Variants in SENP5 observed in about 807,000 individuals in gnomAD.
The protein encoded by SENP5 is sentrin-specific protease 5.
In SENP5, 21 loss-of-function variants were observed where a neutral mutation model predicts 74.2. The observed-to-expected ratio is 0.28, with a 90% CI of 0.20 to 0.41. The LOEUF (loss-of-function observed/expected upper bound fraction) is 0.41. Among genes scored for constraint, SENP5 ranks in the 10% least tolerant of loss-of-function variants. SENP5 has a pLI of 1.00. For missense variants in SENP5, 717 were observed against 889.1 expected, an observed-to-expected ratio of 0.81 and a Z score of 2.46; for synonymous variants, 311 against 312.7, an observed-to-expected ratio of 0.99 and a Z score of 0.06.
At chr3:196,908,294 A>G (rs900551323) in intron 6 of SENP5, among the ~76,000 whole-genome samples, 1 of 152,106 alleles carries the variant, frequency 6.6e-6, no homozygotes, top group Admixed American at 6.6e-5. Context: ...TAAAACAAAT[A>G]AAAAAGGCAA....
At chr3:196,928,738 A>G (rs922725419) in intron 8 of SENP5, among the ~76,000 whole-genome samples, 9 of 152,214 alleles carry the variant, frequency 5.9e-5, no homozygotes, top group Non-Finnish European at 1.0e-4. Context: ...TTTAAAATTA[A>G]GCTTAAGTTT....
rs7625051 is a variant in SENP5 at position 196,920,258 on chromosome 3, C to T, written c.1885-3156C>T. ...TATCTGTAATTTTTAGTGTATACAT[C>T]TTACATATACATTCTTGTTAAATGT... On this transcript the variant is annotated intron_variant, in intron 6 of 9. Transcript: ENST00000323460. Among the ~76,000 whole-genome samples the T allele has an allele frequency of 6.4e-3, 981 of 152,220 alleles. 11 individuals are homozygous for T. Among genetic ancestry groups the T allele is most frequent in the African/African-American group, 0.022 (934 of 41,552 alleles).
At chr3:196,917,748 GACAA>G (rs1715441682) in intron 6 of SENP5, among the ~76,000 whole-genome samples, 1 of 152,156 alleles carries the variant, frequency 6.6e-6, no homozygotes, top group Admixed American at 6.5e-5. Context: ...TACTTTCCCA[GACAA>G]ACAAAAGCTG....
At chr3:196,869,759 CAAAAA>C (rs58745670) in intron 1 of SENP5, among the ~76,000 whole-genome samples, 2 of 37,982 alleles carry the variant, frequency 5.3e-5, no homozygotes, top group African/African-American at 2.3e-4. Flanking sequence ...AACTCCGTCT[CAAAAA>C]AAAAAAAAAA....
Position 196,903,415 on chromosome 3 carries a change from A to T in SENP5, c.1807-118A>T, listed in dbSNP as rs998109235. 4.0e-5 allele frequency: 23 copies of T among 575,840 alleles called. No individual in the cohort carries two copies. In the South Asian group the frequency reaches 4.2e-4, roughly 10 times the overall value. 35.7% of individuals were successfully genotyped at this position (575,840 alleles called of 1,614,324 possible). A position where few individuals can be genotyped will look rare whatever the true frequency, so the allele number is the denominator to read the frequency against. ...TCCTCAATCATTGTTTTTATGAAGA[A>T]ATTTTTCCTTCCTTTTTGTCTGCTT... On this transcript the variant is annotated intron_variant, in intron 5 of 9. Coordinates refer to ENST00000323460, the MANE Select transcript of SENP5 (RefSeq NM_152699.5).
intron 7 of SENP5, among the ~76,000 whole-genome samples, chr3:196,926,398 C>A (rs1383913601): frequency 1.3e-5 from 2 of 151,018 alleles, no homozygotes; most frequent in African/African-American, 2.4e-5. Context: ...AGGAGAATCG[C>A]TTGAACCTGG....
At chr3:196,869,031 C>T (rs1020236369) in intron 1 of SENP5, among the ~76,000 whole-genome samples, 2 of 151,980 alleles carry the variant, frequency 1.3e-5, no homozygotes, top group Admixed American at 6.6e-5. Flanking sequence ...TCCTAGCCAT[C>T]CACATGTCTC....
At chr3:196,868,491 C>T (rs1203748031) in intron 1 of SENP5, among the ~76,000 whole-genome samples, 2 of 152,256 alleles carry the variant, frequency 1.3e-5, no homozygotes, top group Non-Finnish European at 2.9e-5. Flanking sequence ...TCCCCGGGAC[C>T]CTTTTCCAGA....
intron 6 of SENP5, among the ~76,000 whole-genome samples, chr3:196,921,678 A>G (rs1049936176): frequency 2.0e-5 from 3 of 152,042 alleles, no homozygotes; most frequent in Non-Finnish European, 4.4e-5. Flanking sequence ...TATTTTCACT[A>G]TTTCCTTCTA....
At chr3:196,916,950 A>G (rs998378385) in intron 6 of SENP5, among the ~76,000 whole-genome samples, 1 of 152,076 alleles carries the variant, frequency 6.6e-6, no homozygotes, top group Non-Finnish European at 1.5e-5. Context: ...CCTGGCCAAC[A>G]TGGCAAACCC....
chr3:196,910,589 G>A (rs139611266), intron 6 of SENP5, among the ~76,000 whole-genome samples: 4,143 of 151,882 alleles, frequency 0.027, 75 homozygotes, highest in Admixed American at 0.048. Context: ...CTCGTGATCC[G>A]CCTGCCTCGG....
intron 2 of SENP5, among the ~76,000 whole-genome samples, chr3:196,893,864 C>G (rs541178866): frequency 2.0e-5 from 3 of 149,578 alleles, no homozygotes; most frequent in Non-Finnish European, 4.4e-5. Flanking sequence ...GAGTTGAGAT[C>G]GCACCACTGC....
rs753573747 is a variant in SENP5, at chr3:196,886,011, A to T, written c.830A>T (p.Glu277Val). The T allele has an allele frequency of 6.2e-7, 1 of 1,614,194 alleles. No homozygotes were observed. The highest frequency in any genetic ancestry group is 1.1e-5 in the South Asian group (1 of 91,084). Residue 277 changes from glutamate to valine, a missense_variant, in exon 2 of 10, where the codon GAG becomes GTG. Physicochemically the swap from Glu to Val is moderately radical, Grantham distance 121 (BLOSUM62 -2). Transcript: ENST00000323460. ...WVQKVTGDHQ[E>V]TRRENGEGGS... ...CAGAAAGTCACTGGGGACCATCAAG[A>T]GACCCGTAGGGAGAACGGTGAGGGT...
chr3:196,886,164 C>T lies in SENP5; in HGVS notation c.983C>T (p.Thr328Ile), dbSNP rs1486265819. Residue 328 changes from threonine to isoleucine, a missense_variant, in exon 2 of 10, where the codon ACT becomes ATT. Physicochemically the swap from Thr to Ile is moderately conservative, Grantham distance 89 (BLOSUM62 -1). Transcript: ENST00000323460. ...AACTCTCATGTGCCTGATTGCCACA[C>T]TAAAGGAAGCTCTTTCTTGGGCAAG... Reference protein sequence around the residue: ...GTNSHVPDCHTKGSSFLGKEL... With the variant: ...GTNSHVPDCHIKGSSFLGKEL... 1 of 1,614,230 alleles carries T rather than the reference C, an allele frequency of 6.2e-7. No homozygotes were observed. Among genetic ancestry groups the T allele is most frequent in the East Asian group, 2.2e-5 (1 of 44,878 alleles).
intron 6 of SENP5, among the ~76,000 whole-genome samples, chr3:196,908,818 T>C (rs1455730741): frequency 6.6e-6 from 1 of 152,002 alleles, no homozygotes; most frequent in East Asian, 1.9e-4. Context: ...AGTGAAACTC[T>C]GTCTCAAAAC....
At chr3:196,875,214 A>C (rs549229410) in intron 1 of SENP5, among the ~76,000 whole-genome samples, 1 of 152,294 alleles carries the variant, frequency 6.6e-6, no homozygotes, top group Admixed American at 6.5e-5. Flanking sequence ...ATTTACCCCC[A>C]ACAGATAGGC....
In SENP5 at chr3:196,931,784, A is replaced by T. The variant is rs1716047244; in HGVS notation, c.*861A>T. 1 of 324,846 alleles carries T rather than the reference A, an allele frequency of 3.1e-6. No individual in the cohort carries two copies. 20.1% of individuals were successfully genotyped at this position (324,846 alleles called of 1,614,324 possible). A position where few individuals can be genotyped will look rare whatever the true frequency, so the allele number is the denominator to read the frequency against. On this transcript the variant is annotated 3_prime_UTR_variant, in exon 10 of 10. Coordinates refer to ENST00000323460, the MANE Select transcript of SENP5 (RefSeq NM_152699.5). ...TGCAGCTGTTCTCAGAGTAATTTTT[A>T]AGTTGTCATTTCCCTGTGTTGCCTC...
At chr3:196,916,319 CTG>C (rs1191882933) in intron 6 of SENP5, among the ~76,000 whole-genome samples, 1 of 151,844 alleles carries the variant, frequency 6.6e-6, no homozygotes, top group Non-Finnish European at 1.5e-5. Context: ...AAGAATGAAA[CTG>C]TCTCAAAAAA....
intron 6 of SENP5, among the ~76,000 whole-genome samples, chr3:196,910,682 C>G (rs774745011): frequency 6.6e-6 from 1 of 152,050 alleles, no homozygotes; most frequent in Non-Finnish European, 1.5e-5. Flanking sequence ...CTATTCCCAT[C>G]AAACTACCAT....
Sources: allele counts gnomAD v4.1 joint callset (sites outside exome capture counted in the v4.1 genomes callset), GRCh38; gene constraint gnomAD v4.1.1; transcripts MANE v1.5; gene names NCBI Gene and HGNC (gene_info 2026-07-23, HGNC 2026-07-21).